Variants in NAV2 observed in about 807,000 individuals in gnomAD.
The protein encoded by NAV2 is neuron navigator 2, also known as helicase, APC down-regulated 1.
NAV2 carries 54 observed loss-of-function variants against 223.2 expected under a neutral mutation model. The observed-to-expected ratio is 0.24, with a 90% CI of 0.19 to 0.30. The LOEUF (loss-of-function observed/expected upper bound fraction) is 0.30. Ranked by LOEUF, NAV2 falls within the 10% of genes least tolerant of loss-of-function variation. The pLI, the probability that NAV2 is intolerant of heterozygous loss-of-function variation, is 1.00. For missense variants in NAV2, 2,806 were observed against 3,147.5 expected (o/e 0.89, Z 2.60); for synonymous variants, 1,279 against 1,239.3 (o/e 1.03, Z -0.67).
rs138834761 is a variant in NAV2, at chr11:19,751,295, A to G, written c.267+37333A>G. ...GTCTGAGCTCTTAACCAATACTCAT[A>G]CTGCTAGTCAACAAGGACAGGTTTT... On this transcript the variant is annotated intron_variant, in intron 1 of 37. Transcript: ENST00000349880. Among the ~76,000 whole-genome samples the G allele has an allele frequency of 2.3e-4, 35 of 152,278 alleles. 2 individuals carry two copies. The East Asian group carries it at 3.3e-3, about 14-fold the overall frequency.
chr11:19,779,918 A>G (rs1379969626), intron 1 of NAV2, among the ~76,000 whole-genome samples: 1 of 152,206 alleles, frequency 6.6e-6, no homozygotes, highest in South Asian at 2.1e-4. Context: ...TTGTGTGTGA[A>G]TAACTGCTCC....
At chr11:19,618,294 C>T (rs2046860242) in intron 1 of NAV2, among the ~76,000 whole-genome samples, 2 of 147,682 alleles carry the variant, frequency 1.4e-5, no homozygotes, top group African/African-American at 5.1e-5. Context: ...GGATTGCTGG[C>T]TGGATGGATT....
intron 3 of NAV2, among the ~76,000 whole-genome samples, chr11:19,860,194 C>G (rs1191841542): frequency 6.9e-6 from 1 of 145,630 alleles, no homozygotes; most frequent in South Asian, 2.2e-4. Context: ...CCCTCCCAGA[C>G]GGGGTGGCTG....
At chr11:20,098,233 T>C (rs1422925956) in intron 31 of NAV2, among the ~76,000 whole-genome samples, 1 of 152,142 alleles carries the variant, frequency 6.6e-6, no homozygotes, top group Non-Finnish European at 1.5e-5. Context: ...GGCCAGTGGA[T>C]TCCTTAGAAC....
rs1374066965 is a variant in NAV2, at chr11:20,101,100, A to C, written c.6345A>C (p.Ile2115=). ...TGGCCAACCGGCTGTCTGAGTATAT[A>C]GTGCTTCGAGAGGGACGGGAGTTGA... ...TYLANRLSEY[I]VLREGRELTD... Residue 2115 remains isoleucine, a synonymous_variant, in exon 32 of 38, where the codon ATA becomes ATC. Transcript: ENST00000349880. 1 of 1,614,126 alleles carries C rather than the reference A, an allele frequency of 6.2e-7. No individual in the cohort carries two copies. The highest frequency in any genetic ancestry group is 1.1e-5 in the South Asian group (1 of 91,070).
chr11:19,684,760 G>T (rs187475924), intron 1 of NAV2, among the ~76,000 whole-genome samples: 158 of 152,228 alleles, frequency 1.0e-3, no homozygotes, highest in African/African-American at 3.6e-3. Context: ...CAGCCCTTCC[G>T]GGATGATTGA....
At chr11:19,354,623 A>C (rs2133732524) in intron 1 of NAV2, among the ~76,000 whole-genome samples, 1 of 152,358 alleles carries the variant, frequency 6.6e-6, no homozygotes, top group South Asian at 2.1e-4. Flanking sequence ...GATTCAGTAA[A>C]GTGTGTGCTT....
intron 1 of NAV2, among the ~76,000 whole-genome samples, chr11:19,501,073 T>A (rs1254709589): frequency 6.6e-6 from 1 of 152,188 alleles, no homozygotes; most frequent in Non-Finnish European, 1.5e-5. Flanking sequence ...CCTTTGTTCA[T>A]GGCTCCTCCT....
intron 1 of NAV2, among the ~76,000 whole-genome samples, chr11:19,627,763 A>T (rs1298466991): frequency 6.6e-6 from 1 of 151,966 alleles, no homozygotes; most frequent in African/African-American, 2.4e-5. Flanking sequence ...ACTGACGGTG[A>T]TGGATGAGAT....
intron 1 of NAV2, among the ~76,000 whole-genome samples, chr11:19,437,205 A>C (rs1462399901): frequency 6.6e-6 from 1 of 152,194 alleles, no homozygotes. Flanking sequence ...ATTTAACTGG[A>C]AGGTCCCAGG....
intron 1 of NAV2, among the ~76,000 whole-genome samples, chr11:19,485,911 A>C (rs1487189): frequency 0.91 from 138,995 of 152,004 alleles, 64,860 homozygotes; most frequent in East Asian, 1. Flanking sequence ...GTATACAGGG[A>C]AAGCTTGAAC....
intron 1 of NAV2, among the ~76,000 whole-genome samples, chr11:19,678,798 T>G (rs116018282): frequency 1.5e-3 from 224 of 152,306 alleles, no homozygotes; most frequent in African/African-American, 5.1e-3. Flanking sequence ...AGGCAGCTGA[T>G]GTGAACAGAG....
At chr11:19,678,336 C>T (rs985379876) in intron 1 of NAV2, among the ~76,000 whole-genome samples, 2 of 152,192 alleles carry the variant, frequency 1.3e-5, no homozygotes, top group Non-Finnish European at 2.9e-5. Context: ...GATTAAATAA[C>T]TTGCCTAGCC....
In NAV2 at chr11:19,676,855, C is replaced by T. The variant is rs114681872; in HGVS notation, c.76-155629C>T. On this transcript the variant is annotated intron_variant, in intron 1 of 37. Coordinates refer to the NAV2 transcript ENST00000360655. ...CAGAGCAGCTGGCCCTCTCTTTTTA[C>T]GGGGATAAAAGTAGCATTTGGTTGG... is the stretch of plus-strand genomic sequence containing the variant. Among the ~76,000 whole-genome samples, 764 of 152,258 alleles carry T rather than the reference C, an allele frequency of 5.0e-3. 3 individuals are homozygous for T. The highest frequency in any genetic ancestry group is 0.018 in the African/African-American group (732 of 41,552).
intron 1 of NAV2, among the ~76,000 whole-genome samples, chr11:19,649,372 C>T (rs1038990446): frequency 1.3e-5 from 2 of 152,150 alleles, no homozygotes; most frequent in South Asian, 2.1e-4. Flanking sequence ...TTATAAAGAA[C>T]ACTGTCCTGG....
intron 1 of NAV2, among the ~76,000 whole-genome samples, chr11:19,452,020 C>T (rs962091930): frequency 2.6e-5 from 4 of 152,042 alleles, no homozygotes; most frequent in African/African-American, 4.8e-5. Flanking sequence ...CTCATAACTA[C>T]GGTATCAGCT....
intron 1 of NAV2, among the ~76,000 whole-genome samples, chr11:19,601,370 G>T (rs967939225): frequency 6.6e-6 from 1 of 152,052 alleles, no homozygotes; most frequent in Non-Finnish European, 1.5e-5. Flanking sequence ...TCCTTCCCTT[G>T]CCTCCGCAGT....
intron 1 of NAV2, among the ~76,000 whole-genome samples, chr11:19,591,527 T>G (rs1027765405): frequency 6.6e-6 from 1 of 152,232 alleles, no homozygotes; most frequent in African/African-American, 2.4e-5. Flanking sequence ...GATCTGAATA[T>G]GGGCACCTCT....
chr11:19,771,163 A>T (rs916235420), intron 1 of NAV2, among the ~76,000 whole-genome samples: 1 of 152,184 alleles, frequency 6.6e-6, no homozygotes, highest in African/African-American at 2.4e-5. Context: ...GTACACAAAG[A>T]TGAATAAGAT....
Sources: gnomAD v4.1 joint callset for allele counts (sites outside exome capture counted in the v4.1 genomes callset) on GRCh38, gnomAD v4.1.1 for gene constraint, MANE v1.5 for transcripts, NCBI Gene and HGNC (gene_info 2026-07-23, HGNC 2026-07-21) for gene names.